The following PIK3R3 variants were observed in gnomAD, a reference collection of about 807,000 sequenced individuals.
PIK3R3 encodes phosphatidylinositol 3-kinase regulatory subunit gamma.
In PIK3R3, 64 loss-of-function variants were observed where a neutral mutation model predicts 62.9. That is an observed-to-expected ratio of 1.02 (90% CI 0.83 to 1.25). The LOEUF (loss-of-function observed/expected upper bound fraction) is 1.25, where lower values mean the gene tolerates loss of function less well. Ranked by LOEUF, PIK3R3 falls within the 50% of genes most tolerant of loss-of-function variation. The probability of loss-of-function intolerance (pLI) is 0.00; values close to 1 mark genes in which losing one functional copy is unlikely to be tolerated. For missense variants in PIK3R3, 614 were observed against 561.6 expected, an observed-to-expected ratio of 1.09 and a Z score of -0.94; for synonymous variants, 165 against 189.0, an observed-to-expected ratio of 0.87 and a Z score of 1.04.
chr1:46,070,336 G>A (rs999485379), intron 3 of PIK3R3, among the ~76,000 whole-genome samples: 2 of 152,158 alleles, frequency 1.3e-5, no homozygotes, highest in Admixed American at 1.3e-4. Context: ...ACAGAAAAGC[G>A]GCAGACTATT....
chr1:46,090,615 G>A (rs1400177415), intron 1 of PIK3R3, among the ~76,000 whole-genome samples: 1 of 152,090 alleles, frequency 6.6e-6, no homozygotes, highest in Non-Finnish European at 1.5e-5. Context: ...TTACAGGCGT[G>A]AGCCACCATG....
intron 6 of PIK3R3, among the ~76,000 whole-genome samples, chr1:46,058,330 G>C (rs932815596): frequency 2.6e-5 from 4 of 152,254 alleles, no homozygotes; most frequent in Admixed American, 2.6e-4. Context: ...GGGAAATGCG[G>C]GGTCGAAGCC....
At chr1:46,055,630 T>C (rs755269172) in intron 7 of PIK3R3, among the ~76,000 whole-genome samples, 165 bp downstream of exon 7, 4 of 152,236 alleles carry the variant, frequency 2.6e-5, no homozygotes, top group Non-Finnish European at 4.4e-5. Context: ...AGATTAACTC[T>C]GGTACCCCCT....
At chr1:46,165,455 G>A in the PIK3R3 span, among the ~76,000 whole-genome samples, 1 of 151,754 alleles carries the variant, frequency 6.6e-6, no homozygotes. Context: ...ACAGGCATGT[G>A]CCACCATGCC....
intron 3 of PIK3R3, among the ~76,000 whole-genome samples, chr1:46,072,499 C>T (rs1334130685): frequency 6.6e-6 from 1 of 152,222 alleles, no homozygotes; most frequent in East Asian, 1.9e-4. Flanking sequence ...AACTTTCAAA[C>T]ATTCTTGCTA....
At chr1:46,053,879 T>C (rs1647611257) in intron 7 of PIK3R3, among the ~76,000 whole-genome samples, 1 of 152,146 alleles carries the variant, frequency 6.6e-6, no homozygotes, top group Non-Finnish European at 1.5e-5. Context: ...TGAGCCTTTC[T>C]TCAGCTTCAT....
chr1:46,046,699 C>T, intron 7 of PIK3R3, 74 bp from the exon 8 acceptor site: 1 of 1,027,968 alleles, frequency 9.7e-7, no homozygotes. Context: ...TCTGAGCCAA[C>T]TAAACTTCTA....
chr1:46,080,491 T>C, intron 2 of PIK3R3, 151 bp downstream of exon 2: 1 of 647,688 alleles, frequency 1.5e-6, no homozygotes, highest in Non-Finnish European at 2.8e-6. Context: ...GAACTCCTGG[T>C]ATCATGTGAT....
intron 1 of PIK3R3, among the ~76,000 whole-genome samples, chr1:46,104,193 G>T (rs1344004037): frequency 6.6e-6 from 1 of 152,088 alleles, no homozygotes; most frequent in Non-Finnish European, 1.5e-5. Context: ...CTTCCAAAGT[G>T]TTGAGATTAC....
At chr1:46,147,260 G>A in the PIK3R3 span, among the ~76,000 whole-genome samples, 82 of 151,772 alleles carry the variant, frequency 5.4e-4, no homozygotes, top group African/African-American at 1.9e-3. Context: ...CCTGCCACAA[G>A]GCCCAGCTAA....
At chr1:46,101,667 A>G (rs1652690268) in intron 1 of PIK3R3, among the ~76,000 whole-genome samples, 1 of 152,254 alleles carries the variant, frequency 6.6e-6, no homozygotes, top group Admixed American at 6.5e-5. Context: ...ACATTATGCT[A>G]AATGAAATAA....
At chr1:46,166,551 G>A in the PIK3R3 span, among the ~76,000 whole-genome samples, 1 of 152,110 alleles carries the variant, frequency 6.6e-6, no homozygotes, top group Admixed American at 6.5e-5. Flanking sequence ...ACAAACTGCA[G>A]TTCTCTTTTC....
intron 1 of PIK3R3, among the ~76,000 whole-genome samples, chr1:46,098,491 T>A (rs747740809): frequency 5.9e-5 from 9 of 151,648 alleles, no homozygotes; most frequent in Non-Finnish European, 8.8e-5. Flanking sequence ...ATCCACAGAG[T>A]GGAATATTGT....
chr1:46,133,708 C>T (rs1010787279), upstream of PIK3R3, among the ~76,000 whole-genome samples: 6 of 152,148 alleles, frequency 3.9e-5, no homozygotes, highest in Non-Finnish European at 7.4e-5. Context: ...CGCAGTTCCT[C>T]TGTGCTTCCC....
intron 1 of PIK3R3, among the ~76,000 whole-genome samples, chr1:46,127,013 T>A (rs943288671): frequency 1.3e-5 from 2 of 152,010 alleles, no homozygotes; most frequent in Non-Finnish European, 2.9e-5. Flanking sequence ...ATTTTCTAAT[T>A]ATCTAAGGAA....
intron 1 of PIK3R3, among the ~76,000 whole-genome samples, chr1:46,119,062 T>TA (rs1397511110): frequency 2.0e-5 from 3 of 152,178 alleles, no homozygotes; most frequent in African/African-American, 7.2e-5. Context: ...GCCTCCTATT[T>TA]AAAATAGCAG....
chr1:46,088,488 T>A (rs1204750583), intron 1 of PIK3R3, among the ~76,000 whole-genome samples: 1 of 151,950 alleles, frequency 6.6e-6, no homozygotes, highest in Non-Finnish European at 1.5e-5. Flanking sequence ...AAGATCTATA[T>A]CAAAGTAACA....
At chr1:46,049,032 A>AC (rs1164487646) in intron 7 of PIK3R3, among the ~76,000 whole-genome samples, 1 of 152,182 alleles carries the variant, frequency 6.6e-6, no homozygotes, top group Non-Finnish European at 1.5e-5. Flanking sequence ...CAAAGACCTA[A>AC]CATCCAGCTC....
At chr1:46,162,601 T>C in the PIK3R3 span, among the ~76,000 whole-genome samples, 2 of 152,128 alleles carry the variant, frequency 1.3e-5, no homozygotes, top group East Asian at 3.8e-4. Flanking sequence ...TTTCCATATA[T>C]AAAAAATTAG....
Sources: allele counts gnomAD v4.1 joint callset (sites outside exome capture counted in the v4.1 genomes callset), GRCh38; gene constraint gnomAD v4.1.1; transcripts MANE v1.5; gene names NCBI Gene and HGNC (gene_info 2026-07-23, HGNC 2026-07-21).